PPP2R2B: variants seen among roughly 807,000 people sequenced by gnomAD.
The protein encoded by PPP2R2B is serine/threonine-protein phosphatase 2A 55 kDa regulatory subunit B beta isoform.
In PPP2R2B, 5 loss-of-function variants were observed where a neutral mutation model predicts 46.0. The ratio of observed to expected loss-of-function variants is 0.11; its 90% confidence interval spans 0.06 to 0.23. The LOEUF is 0.23. Among genes scored for constraint, PPP2R2B ranks in the 10% least tolerant of loss-of-function variants. The probability of loss-of-function intolerance (pLI) is 1.00; values close to 1 mark genes in which losing one functional copy is unlikely to be tolerated. For missense variants in PPP2R2B, 367 were observed against 575.0 expected (o/e 0.64, Z 3.70); for synonymous variants, 215 against 206.7 (o/e 1.04, Z -0.34).
At position 146,585,949 on chromosome 5, in the gene PPP2R2B, C is replaced by G. The variant is rs1421618073; in HGVS notation, c.*3998G>C. ...GGAGCAGGACCCACGTTTCCTGTCT[C>G]CCAGTCTCATCCTTTTTCCACTGAC... is the stretch of plus-strand genomic sequence containing the variant. On this transcript the variant is annotated 3_prime_UTR_variant, in exon 10 of 10. Coordinates refer to ENST00000394411, the MANE Select transcript of PPP2R2B (RefSeq NM_181675.4). 1 of 152,198 alleles carries G rather than the reference C, an allele frequency of 6.6e-6. No individual in the cohort carries two copies. The highest frequency in any genetic ancestry group is 1.5e-5 in the Non-Finnish European group (1 of 68,052). The allele number at this position is 152,198 out of a possible 1,614,324, so 9.4% of individuals were successfully genotyped here.
rs113139604 is a variant in PPP2R2B at position 146,650,811 on chromosome 5, C to T, written c.448-87G>A. 401 of 1,262,040 alleles carry T rather than the reference C, an allele frequency of 3.2e-4. 2 individuals carry two copies. In the African/African-American group the frequency reaches 5.2e-3, roughly 16 times the overall value. 78.2% of individuals were successfully genotyped at this position (1,262,040 alleles called of 1,614,324 possible). On this transcript the variant is annotated intron_variant, in intron 5 of 9. Transcript: ENST00000394411. ...CATGCTAATATCATTTATTATCACA[C>T]ACAAAATAATAGCCACATTGAAGAA...
intron 1 of PPP2R2B, among the ~76,000 whole-genome samples, chr5:147,027,357 G>T (rs567998169): frequency 1.3e-5 from 2 of 152,106 alleles, no homozygotes; most frequent in African/African-American, 2.4e-5. Context: ...TTAGTGGGCC[G>T]GGCGCGGTGG....
intron 5 of PPP2R2B, chr5:146,656,660 G>A (rs1215766212): frequency 1.3e-5 from 2 of 152,644 alleles, no homozygotes; most frequent in Admixed American, 1.3e-4. Flanking sequence ...TCAGCCTCCT[G>A]AGTAGCTGAC....
At chr5:146,787,564 CTCTTG>C (rs1342258813) in intron 2 of PPP2R2B, among the ~76,000 whole-genome samples, 1 of 151,772 alleles carries the variant, frequency 6.6e-6, no homozygotes, top group Non-Finnish European at 1.5e-5. Context: ...TCTCCCTTCT[CTCTTG>C]TCTTCTCTTT....
At chr5:146,821,696 TCTAA>T (rs1017176414) in intron 2 of PPP2R2B, among the ~76,000 whole-genome samples, 9 of 152,134 alleles carry the variant, frequency 5.9e-5, no homozygotes, top group Admixed American at 2.6e-4. Context: ...GTGAAAAAAT[TCTAA>T]CTAACACTCA....
At chr5:146,645,396 T>C (rs1271380797) in intron 6 of PPP2R2B, among the ~76,000 whole-genome samples, 1 of 152,032 alleles carries the variant, frequency 6.6e-6, no homozygotes, top group East Asian at 1.9e-4. Flanking sequence ...ATTCATGGAG[T>C]GTTTGCCAAT....
chr5:146,590,328 T>A (rs1017593061), intron 9 of PPP2R2B, 102 bp from the exon 10 acceptor site: 1 of 1,318,152 alleles, frequency 7.6e-7, no homozygotes, highest in Non-Finnish European at 1.0e-6. Context: ...ATAGGTTTTA[T>A]TAAAAACAAA....
chr5:146,593,212 C>T (rs1770833401), intron 8 of PPP2R2B, 150 bp from the exon 9 acceptor site: 1 of 693,754 alleles, frequency 1.4e-6, no homozygotes, highest in Non-Finnish European at 2.5e-6. Flanking sequence ...AGGCTTGGCC[C>T]TTTTAGCTGT....
intron 1 of PPP2R2B, among the ~76,000 whole-genome samples, chr5:146,915,599 T>C (rs1763358069): frequency 6.6e-6 from 1 of 152,162 alleles, no homozygotes; most frequent in Admixed American, 6.5e-5. Context: ...TCCTTTACCC[T>C]AAGTTTAGCT....
At chr5:146,713,897 C>T (rs561989360) in intron 2 of PPP2R2B, among the ~76,000 whole-genome samples, 2 of 152,082 alleles carry the variant, frequency 1.3e-5, no homozygotes, top group East Asian at 3.9e-4. Flanking sequence ...GAGGAGATAA[C>T]TGGAAATAAG....
At chr5:147,064,340 G>A (rs1215681670) in intron 2 of PPP2R2B, among the ~76,000 whole-genome samples, 1 of 152,136 alleles carries the variant, frequency 6.6e-6, no homozygotes, top group African/African-American at 2.4e-5. Flanking sequence ...GTTTGAGGAT[G>A]TTTAGTAGTG....
intron 2 of PPP2R2B, among the ~76,000 whole-genome samples, chr5:146,705,138 T>G (rs1779760091): frequency 1.3e-5 from 2 of 152,166 alleles, no homozygotes; most frequent in Admixed American, 6.5e-5. Flanking sequence ...GCAAGGGTAA[T>G]GCAATTTAGT....
intron 2 of PPP2R2B, among the ~76,000 whole-genome samples, chr5:146,715,885 G>C (rs923405411): frequency 6.6e-6 from 1 of 152,080 alleles, no homozygotes; most frequent in African/African-American, 2.4e-5. Context: ...TAACACAGCA[G>C]AGTGTATCTT....
At chr5:147,017,695 G>GT (rs1755070202) in intron 1 of PPP2R2B, among the ~76,000 whole-genome samples, 1 of 151,998 alleles carries the variant, frequency 6.6e-6, no homozygotes, top group Non-Finnish European at 1.5e-5. Flanking sequence ...CAGCTGCAGT[G>GT]TAAAGTAAGA....
At chr5:146,689,454 C>T (rs1051738810) in intron 5 of PPP2R2B, among the ~76,000 whole-genome samples, 1 of 152,152 alleles carries the variant, frequency 6.6e-6, no homozygotes, top group Non-Finnish European at 1.5e-5. Flanking sequence ...CTATTCAACA[C>T]AGGAACAGGC....
intron 8 of PPP2R2B, 102 bp downstream of exon 8, chr5:146,600,189 G>A: frequency 8.0e-7 from 1 of 1,248,184 alleles, no homozygotes; most frequent in South Asian, 1.4e-5. Context: ...ACCATGCATT[G>A]CCTTCCATTT....
At chr5:146,835,509 G>A (rs1251336719) in intron 2 of PPP2R2B, among the ~76,000 whole-genome samples, 1 of 151,944 alleles carries the variant, frequency 6.6e-6, no homozygotes, top group African/African-American at 2.4e-5. Flanking sequence ...TACTGAACTT[G>A]GGGCGGAAAG....
At chr5:147,061,151 G>A (rs1339441525) in intron 2 of PPP2R2B, among the ~76,000 whole-genome samples, 1 of 152,138 alleles carries the variant, frequency 6.6e-6, no homozygotes, top group Non-Finnish European at 1.5e-5. Context: ...TGAGGATACA[G>A]CAGTAAATAA....
intron 2 of PPP2R2B, among the ~76,000 whole-genome samples, chr5:146,813,293 T>C (rs972606067): frequency 6.6e-6 from 1 of 152,086 alleles, no homozygotes; most frequent in Non-Finnish European, 1.5e-5. Flanking sequence ...ATTCAACTTC[T>C]ACACCAACAA....
Sources: allele counts gnomAD v4.1 joint callset (sites outside exome capture counted in the v4.1 genomes callset), GRCh38; gene constraint gnomAD v4.1.1; transcripts MANE v1.5; gene names NCBI Gene and HGNC (gene_info 2026-07-23, HGNC 2026-07-21).